The following ZRANB3 variants were observed in gnomAD, a reference collection of about 807,000 sequenced individuals.
ZRANB3 encodes zinc finger RANBP2-type containing 3, also known as DNA annealing helicase and endonuclease ZRANB3.
A neutral mutation model predicts 133.8 loss-of-function variants in ZRANB3; 125 were observed. That is an observed-to-expected ratio of 0.93 (90% CI 0.81 to 1.08). The LOEUF is 1.08. Among genes scored for constraint, ZRANB3 ranks in the 50% least tolerant of loss-of-function variants. The pLI is 0.00. For missense variants in ZRANB3, 1,229 were observed against 1,275.5 expected, an observed-to-expected ratio of 0.96 and a Z score of 0.56; for synonymous variants, 387 against 432.7, an observed-to-expected ratio of 0.89 and a Z score of 1.31.
At chr2:135,392,485 A>C (rs1282176183) in intron 2 of ZRANB3, among the ~76,000 whole-genome samples, 2 of 152,014 alleles carry the variant, frequency 1.3e-5, no homozygotes, top group Non-Finnish European at 2.9e-5. Flanking sequence ...CACGGTGGCT[A>C]ACGCCTGTAA....
intron 8 of ZRANB3, among the ~76,000 whole-genome samples, chr2:135,285,092 G>A (rs372339154): frequency 5.8e-4 from 88 of 150,534 alleles, no homozygotes; most frequent in Middle Eastern, 7.2e-3. Flanking sequence ...TGATCCACCC[G>A]CCTTGGCCTC....
chr2:135,317,550 A>G (rs1392144544), intron 6 of ZRANB3, among the ~76,000 whole-genome samples: 1 of 152,226 alleles, frequency 6.6e-6, no homozygotes, highest in Admixed American at 6.5e-5. Flanking sequence ...CAAAGACAAC[A>G]CACAATTGTC....
rs980610727 is a variant in ZRANB3 at position 135,350,222 on chromosome 2, A to G, written c.360-7T>C. 1.3e-6 allele frequency: 2 copies of G among 1,561,658 alleles called. No homozygotes were observed. The highest frequency in any genetic ancestry group is 2.3e-5 in the East Asian group (1 of 43,312). On this transcript the variant is annotated splice_polypyrimidine_tract_variant and splice_region_variant and intron_variant, in intron 4 of 20. Transcript: ENST00000264159. ...TTTACTGGTCGACATTCTCCTAGAA[A>G]AGAAAATCCATGTACTTAAAAAATA... is the stretch of plus-strand genomic sequence containing the variant.
At chr2:135,280,642 C>T (rs147302427) in intron 8 of ZRANB3, among the ~76,000 whole-genome samples, 202 of 151,908 alleles carry the variant, frequency 1.3e-3, no homozygotes, top group South Asian at 2.9e-3. Flanking sequence ...TGAAGATGTA[C>T]ACATCTTACT....
At chr2:135,271,053 T>C (rs563395771) in intron 10 of ZRANB3, among the ~76,000 whole-genome samples, 19 of 152,346 alleles carry the variant, frequency 1.2e-4, no homozygotes, top group African/African-American at 4.3e-4. Context: ...TTAGGTGTGG[T>C]TGTGGGACTA....
At chr2:135,497,959 A>T (rs1692755004) in intron 2 of ZRANB3, among the ~76,000 whole-genome samples, 2 of 152,086 alleles carry the variant, frequency 1.3e-5, no homozygotes, top group African/African-American at 4.8e-5. Flanking sequence ...AGGCTGAGGC[A>T]GGAGAATCGC....
intron 2 of ZRANB3, among the ~76,000 whole-genome samples, chr2:135,482,208 G>A (rs1274347958): frequency 7.1e-6 from 1 of 140,526 alleles, no homozygotes. Context: ...ACCTTGGGCA[G>A]TATGGCGATT....
intron 1 of ZRANB3, among the ~76,000 whole-genome samples, chr2:135,514,901 GTGT>G (rs1693637503): frequency 6.6e-6 from 1 of 151,926 alleles, no homozygotes. Context: ...AGATAATCAT[GTGT>G]TGTTATTGGT....
chr2:135,242,505 G>A (rs1384845090), intron 12 of ZRANB3, among the ~76,000 whole-genome samples: 5 of 151,384 alleles, frequency 3.3e-5, no homozygotes, highest in East Asian at 1.9e-4. Flanking sequence ...CCCAGGGGGG[G>A]CTCAAACTCC....
At chr2:135,289,279 G>A (rs543490318) in intron 8 of ZRANB3, among the ~76,000 whole-genome samples, 9 of 152,010 alleles carry the variant, frequency 5.9e-5, no homozygotes, top group East Asian at 5.8e-4. Flanking sequence ...TTTTTAAGAC[G>A]GAGTCTCACT....
chr2:135,205,245 A>C lies in ZRANB3; in HGVS notation c.3009+2189T>G, dbSNP rs143913324. On this transcript the variant is annotated intron_variant, in intron 19 of 20. Transcript: ENST00000264159. ...GTGGGCACACAGTGGCTGAGGGGTG[A>C]TTCTTTTTAAATTAAGCACATTACA... Among the ~76,000 whole-genome samples, 217 of 152,256 alleles carry C rather than the reference A, an allele frequency of 1.4e-3. 1 individual carries two copies. Among genetic ancestry groups the C allele is most frequent in the Middle Eastern group, 0.014 (4 of 294 alleles).
chr2:135,374,797 C>T (rs147086646), intron 3 of ZRANB3, among the ~76,000 whole-genome samples: 15 of 151,938 alleles, frequency 9.9e-5, no homozygotes, highest in Non-Finnish European at 1.0e-4. Flanking sequence ...CCACCGTGCC[C>T]GACCTAAAAC....
chr2:135,436,718 C>G (rs1436941723), intron 2 of ZRANB3, among the ~76,000 whole-genome samples: 3 of 152,020 alleles, frequency 2.0e-5, no homozygotes, highest in Non-Finnish European at 4.4e-5. Context: ...AATGTTATTC[C>G]TATGAAACTA....
chr2:135,438,589 T>C (rs1392904631), intron 2 of ZRANB3, among the ~76,000 whole-genome samples: 4 of 151,872 alleles, frequency 2.6e-5, no homozygotes, highest in Non-Finnish European at 2.9e-5. Flanking sequence ...GAAGAGCTTA[T>C]AGTAAAGGGC....
chr2:135,435,098 G>A (rs1422494119), intron 2 of ZRANB3, among the ~76,000 whole-genome samples: 1 of 151,760 alleles, frequency 6.6e-6, no homozygotes, highest in African/African-American at 2.4e-5. Flanking sequence ...CACATATTAA[G>A]CCTAGTACTC....
intron 2 of ZRANB3, among the ~76,000 whole-genome samples, chr2:135,400,382 G>A (rs2104938084): frequency 6.6e-6 from 1 of 151,760 alleles, no homozygotes; most frequent in South Asian, 2.1e-4. Flanking sequence ...GACGTGCTCT[G>A]TTGCCCAGGC....
intron 2 of ZRANB3, among the ~76,000 whole-genome samples, chr2:135,460,660 T>A (rs550503502): frequency 3.9e-5 from 6 of 152,248 alleles, no homozygotes; most frequent in East Asian, 1.9e-4. Flanking sequence ...TGAAACTGCA[T>A]AAAATAAACC....
intron 3 of ZRANB3, among the ~76,000 whole-genome samples, chr2:135,364,354 GGTA>G (rs1685830436): frequency 6.6e-6 from 1 of 152,058 alleles, no homozygotes; most frequent in Non-Finnish European, 1.5e-5. Flanking sequence ...TCATTTCTGG[GGTA>G]TCTGGTTTCT....
chr2:135,263,915 A>C (rs1680091999), intron 12 of ZRANB3, among the ~76,000 whole-genome samples: 2 of 151,274 alleles, frequency 1.3e-5, no homozygotes, highest in African/African-American at 4.9e-5. Context: ...AGCTGGGATT[A>C]CAGGCATGTG....
Sources: gnomAD v4.1 joint callset for allele counts (sites outside exome capture counted in the v4.1 genomes callset) on GRCh38, gnomAD v4.1.1 for gene constraint, MANE v1.5 for transcripts, NCBI Gene and HGNC (gene_info 2026-07-23, HGNC 2026-07-21) for gene names.